GRM8: variants seen among roughly 807,000 people sequenced by gnomAD.
The protein encoded by GRM8 is metabotropic glutamate receptor 8.
A neutral mutation model predicts 87.2 loss-of-function variants in GRM8; 47 were observed. That is an observed-to-expected ratio of 0.54 (90% confidence interval 0.43 to 0.69). The LOEUF is 0.69. Ranked by LOEUF, GRM8 falls within the 30% of genes least tolerant of loss-of-function variation. GRM8 has a pLI of 0.00. For synonymous variants in GRM8, 396 were observed against 404.5 expected, an observed-to-expected ratio of 0.98 and a Z score of 0.25; for missense variants, 1,019 against 1,139.2, an observed-to-expected ratio of 0.89 and a Z score of 1.52.
intron 7 of GRM8, among the ~76,000 whole-genome samples, chr7:126,765,208 G>T (rs1161430892): frequency 6.6e-6 from 1 of 152,040 alleles, no homozygotes; most frequent in Non-Finnish European, 1.5e-5. Context: ...GAACCTAGAA[G>T]AAGAGAAAAC....
chr7:126,577,351 C>A (rs990651284), intron 8 of GRM8, among the ~76,000 whole-genome samples: 1 of 152,140 alleles, frequency 6.6e-6, no homozygotes, highest in Non-Finnish European at 1.5e-5. Flanking sequence ...TCATTTAACA[C>A]TAACTTTAAA....
At chr7:126,725,647 CAATA>C (rs1812887285) in intron 7 of GRM8, among the ~76,000 whole-genome samples, 1 of 152,074 alleles carries the variant, frequency 6.6e-6, no homozygotes, top group African/African-American at 2.4e-5. Context: ...TCTTGCACTG[CAATA>C]AATAAATATC....
chr7:127,007,363 G>C (rs1171699495), intron 3 of GRM8, among the ~76,000 whole-genome samples: 2 of 151,668 alleles, frequency 1.3e-5, no homozygotes, highest in Non-Finnish European at 2.9e-5. Context: ...AAAATATAAG[G>C]GTTTCTAGTC....
chr7:126,699,496 CA>C (rs925681414), intron 7 of GRM8, among the ~76,000 whole-genome samples: 48 of 152,160 alleles, frequency 3.2e-4, no homozygotes, highest in Non-Finnish European at 6.2e-4. Flanking sequence ...CTCTGACAGA[CA>C]AAAAAATCCC....
intron 3 of GRM8, among the ~76,000 whole-genome samples, chr7:126,961,896 A>T (rs1809362326): frequency 6.6e-6 from 1 of 152,132 alleles, no homozygotes; most frequent in East Asian, 1.9e-4. Context: ...GGTTCTAAGT[A>T]TTTCTCTGTA....
chr7:126,727,860 G>A (rs186925900), intron 7 of GRM8, among the ~76,000 whole-genome samples: 1 of 152,068 alleles, frequency 6.6e-6, no homozygotes, highest in Non-Finnish European at 1.5e-5. Context: ...TGAGTAGCTG[G>A]GCATTACAGC....
chr7:126,958,521 C>T (rs983100574), intron 3 of GRM8, among the ~76,000 whole-genome samples: 6 of 152,196 alleles, frequency 3.9e-5, no homozygotes, highest in African/African-American at 9.7e-5. Flanking sequence ...GCAGCCAGCG[C>T]GCCTGGCTGT....
chr7:126,617,316 A>G (rs1799612261), intron 7 of GRM8, among the ~76,000 whole-genome samples: 1 of 152,250 alleles, frequency 6.6e-6, no homozygotes, highest in African/African-American at 2.4e-5. Context: ...GCCTTTGACA[A>G]AATTCATCTG....
At chr7:126,785,758 G>C (rs537681139) in intron 6 of GRM8, among the ~76,000 whole-genome samples, 1 of 152,056 alleles carries the variant, frequency 6.6e-6, no homozygotes, top group Non-Finnish European at 1.5e-5. Flanking sequence ...TAATAAACTA[G>C]AAGGAGCCTA....
At chr7:127,138,021 ATATT>A (rs1282292762) in intron 2 of GRM8, among the ~76,000 whole-genome samples, 4 of 152,166 alleles carry the variant, frequency 2.6e-5, no homozygotes, top group Non-Finnish European at 4.4e-5. Flanking sequence ...CACAAATCAG[ATATT>A]TACTTTCTCC....
chr7:127,181,370 T>A (rs1165845994), intron 2 of GRM8, among the ~76,000 whole-genome samples: 3 of 151,996 alleles, frequency 2.0e-5, no homozygotes, highest in African/African-American at 4.8e-5. Context: ...TGGAAACACA[T>A]CCATGCTCAT....
chr7:127,143,270 T>G (rs1163559484), intron 2 of GRM8, among the ~76,000 whole-genome samples: 1 of 152,100 alleles, frequency 6.6e-6, no homozygotes, highest in Non-Finnish European at 1.5e-5. Context: ...ATGGAGAGGA[T>G]TCATTTTATC....
chr7:126,989,883 G>T (rs1812471255), intron 3 of GRM8, among the ~76,000 whole-genome samples: 1 of 152,028 alleles, frequency 6.6e-6, no homozygotes, highest in African/African-American at 2.4e-5. Context: ...GATCACCTGA[G>T]CCCAGGAGGT....
At chr7:126,442,676 G>A (rs1189588408) in intron 10 of GRM8, among the ~76,000 whole-genome samples, 1 of 151,990 alleles carries the variant, frequency 6.6e-6, no homozygotes, top group African/African-American at 2.4e-5. Flanking sequence ...TGGCAGTTTG[G>A]ATTAGATCAG....
chr7:126,701,810 G>A, intron 7 of GRM8: 1 of 1,282,502 alleles, frequency 7.8e-7, no homozygotes. Flanking sequence ...AGAGACATCT[G>A]GATCCCTCTT....
intron 7 of GRM8, among the ~76,000 whole-genome samples, chr7:126,660,196 T>A (rs115615826): frequency 0.01 from 1,581 of 152,294 alleles, 16 homozygotes; most frequent in African/African-American, 0.035. Context: ...TGGAAGCCAT[T>A]CCTAACACTG....
In GRM8 at chr7:126,611,329, T is replaced by C. The variant is rs1365357222; in HGVS notation, c.1358-1831A>G. On this transcript the variant is annotated intron_variant, in intron 7 of 10. Transcript: ENST00000339582. The stretch of plus-strand genomic sequence containing the variant: ...GGGAGTAATAATGATACTTTTCTCA[T>C]AGAGTTGTTGTGAGAATTAAATAAT... Among the ~76,000 whole-genome samples the C allele has an allele frequency of 2.0e-5, 3 of 152,312 alleles. No homozygotes were observed. In the East Asian group the frequency reaches 5.8e-4, roughly 29 times the overall value.
At chr7:126,619,906 G>T (rs1185389213) in intron 7 of GRM8, among the ~76,000 whole-genome samples, 3 of 152,074 alleles carry the variant, frequency 2.0e-5, no homozygotes, top group Admixed American at 2.0e-4. Context: ...GCCCAGGCTG[G>T]TCTTGAACTC....
chr7:126,904,679 AC>A lies in GRM8; in HGVS notation c.731del (p.Gly244ValfsTer27), dbSNP rs751747327. The A allele has an allele frequency of 6.2e-7, 1 of 1,613,258 alleles. No individual in the cohort carries two copies. The highest frequency in any genetic ancestry group is 8.5e-7 in the Non-Finnish European group (1 of 1,179,400). Reference sequence around the variant, plus strand: ...TTTTCTGTGACTGAGCAATGCAAACACCACCTATTTAAAAAAGAAGGGAGGT... The same window carrying A: ...TTTTCTGTGACTGAGCAATGCAAACACACCTATTTAAAAAAGAAGGGAGGT... The part of the protein sequence containing the change: ...AFTQISREIG[G>X]VCIAQSQKIP... On this transcript the variant is annotated frameshift_variant, in exon 4 of 11. Coordinates refer to ENST00000339582, the MANE Select transcript of GRM8 (RefSeq NM_000845.3). LOFTEE classifies it high-confidence loss of function.
Sources: gnomAD v4.1 joint callset for allele counts (sites outside exome capture counted in the v4.1 genomes callset) on GRCh38, gnomAD v4.1.1 for gene constraint, MANE v1.5 for transcripts, NCBI Gene and HGNC (gene_info 2026-07-23, HGNC 2026-07-21) for gene names.